The following RAB30 variants were observed in gnomAD, a reference collection of about 807,000 sequenced individuals.
RAB30 encodes ras-related protein Rab-30.
In RAB30, 9 loss-of-function variants were observed where a neutral mutation model predicts 25.1. The ratio of observed to expected loss-of-function variants is 0.36; its 90% CI spans 0.22 to 0.63. RAB30 has a LOEUF of 0.63. RAB30 is among the 20% of genes least tolerant of loss of function. The pLI is 0.69. For synonymous variants in RAB30, 77 were observed against 86.4 expected, an observed-to-expected ratio of 0.89 and a Z score of 0.60; for missense variants, 140 against 243.5, an observed-to-expected ratio of 0.58 and a Z score of 2.83.
intron 1 of RAB30, among the ~76,000 whole-genome samples, chr11:83,003,207 C>T (rs1344377335): frequency 2.6e-5 from 4 of 152,056 alleles, no homozygotes; most frequent in Admixed American, 6.6e-5. Flanking sequence ...CAGTGAGTTA[C>T]GTGAGAGGCA....
At chr11:83,067,863 C>T (rs1319494334) in intron 1 of RAB30, among the ~76,000 whole-genome samples, 1 of 151,930 alleles carries the variant, frequency 6.6e-6, no homozygotes, top group African/African-American at 2.4e-5. Context: ...CGGTGGCTCA[C>T]GCCTGTAGTC....
At chr11:83,043,282 C>T (rs1459211313) in intron 1 of RAB30, among the ~76,000 whole-genome samples, 1 of 152,168 alleles carries the variant, frequency 6.6e-6, no homozygotes. Context: ...GCCATCCAAA[C>T]TGAGGCCGAC....
At chr11:83,068,686 C>T (rs1046391418) in intron 1 of RAB30, among the ~76,000 whole-genome samples, 1 of 152,166 alleles carries the variant, frequency 6.6e-6, no homozygotes, top group Non-Finnish European at 1.5e-5. Flanking sequence ...ACCACTCTTC[C>T]CTTTGAACTT....
At chr11:83,066,762 C>T (rs371082035) in intron 1 of RAB30, among the ~76,000 whole-genome samples, 6 of 152,126 alleles carry the variant, frequency 3.9e-5, no homozygotes, top group African/African-American at 9.7e-5. Flanking sequence ...ATGTTGGCCA[C>T]GCTGGCCTTG....
At chr11:83,019,032 T>C (rs1857504019) in intron 1 of RAB30, among the ~76,000 whole-genome samples, 1 of 152,206 alleles carries the variant, frequency 6.6e-6, no homozygotes, top group African/African-American at 2.4e-5. Flanking sequence ...TGCTTTTTGT[T>C]TTGTTTTGTT....
At chr11:83,071,569 T>G (rs1858848711) in intron 1 of RAB30, 122 bp downstream of exon 1, 1 of 152,260 alleles carries the variant, frequency 6.6e-6, no homozygotes, top group Non-Finnish European at 1.5e-5. Context: ...TAGCTGTGCC[T>G]GCAAGCCTCT....
Position 82,977,889 on chromosome 11 carries a change from G to A in RAB30, c.*4276C>T, listed in dbSNP as rs1856571713. The stretch of plus-strand genomic sequence containing the variant: ...TGCTATATTAATATGTGTTTTGAAG[G>A]GATGATAATTTCTTAATTCAGTATG... On this transcript the variant is annotated 3_prime_UTR_variant, in exon 5 of 5. Coordinates refer to ENST00000527633, the MANE Select transcript of RAB30 (RefSeq NM_001286060.2). 6.6e-6 allele frequency: 1 copy of A among 152,100 alleles called. No individual in the cohort carries two copies. Among genetic ancestry groups the A allele is most frequent in the Non-Finnish European group, 1.5e-5 (1 of 68,024 alleles). 9.4% of individuals were successfully genotyped at this position (152,100 alleles called of 1,614,324 possible). A position where few individuals can be genotyped will look rare whatever the true frequency, so the allele number is the denominator to read the frequency against.
rs1856574966 is a variant in RAB30 at position 82,978,060 on chromosome 11, T to C, written c.*4105A>G. On this transcript the variant is annotated 3_prime_UTR_variant, in exon 5 of 5. Coordinates refer to ENST00000527633, the MANE Select transcript of RAB30 (RefSeq NM_001286060.2). The stretch of plus-strand genomic sequence containing the variant: ...CAAAATTAGTGTTTAACCATGCTGC[T>C]TAAATGGAACACATTTTGTCTGAAG... 1 of 152,220 alleles carries C rather than the reference T, an allele frequency of 6.6e-6. No homozygotes were observed. The highest frequency in any genetic ancestry group is 6.5e-5 in the Admixed American group (1 of 15,282). 9.4% of individuals were successfully genotyped at this position (152,220 alleles called of 1,614,324 possible).
At chr11:82,983,426 G>A (rs1330323778) in intron 4 of RAB30, among the ~76,000 whole-genome samples, 6 of 152,058 alleles carry the variant, frequency 3.9e-5, no homozygotes, top group Admixed American at 1.3e-4. Context: ...CACACAGACC[G>A]TAACCCTTTT....
chr11:83,059,186 C>T (rs188799114), intron 1 of RAB30, among the ~76,000 whole-genome samples: 261 of 152,312 alleles, frequency 1.7e-3, no homozygotes, highest in Non-Finnish European at 3.4e-3. Flanking sequence ...AAATGACCTG[C>T]CTGCCTTGAC....
intron 1 of RAB30, among the ~76,000 whole-genome samples, chr11:83,009,135 C>A (rs1481293399): frequency 1.3e-5 from 2 of 150,276 alleles, no homozygotes; most frequent in African/African-American, 4.9e-5. Context: ...ATGGTGAGAT[C>A]CCAGCTCACT....
chr11:83,021,555 G>A (rs1857579128), intron 1 of RAB30, among the ~76,000 whole-genome samples: 1 of 152,242 alleles, frequency 6.6e-6, no homozygotes, highest in Admixed American at 6.5e-5. Context: ...GGGATGTCTG[G>A]CTGTGCAGAG....
intron 1 of RAB30, among the ~76,000 whole-genome samples, chr11:83,014,697 A>AAAGAAAGG: frequency 6.7e-6 from 1 of 150,144 alleles, no homozygotes; most frequent in South Asian, 2.1e-4. Context: ...AAAGAAAGAG[A>AAAGAAAGG]AAGGAAGGAA....
intron 1 of RAB30, among the ~76,000 whole-genome samples, chr11:83,058,432 C>T (rs1367436374): frequency 6.6e-6 from 1 of 152,298 alleles, no homozygotes; most frequent in South Asian, 2.1e-4. Context: ...TAATCTAGAA[C>T]CATTCCTCAG....
intron 4 of RAB30, among the ~76,000 whole-genome samples, chr11:82,982,889 T>C (rs1462180591): frequency 6.6e-6 from 1 of 151,894 alleles, no homozygotes; most frequent in Admixed American, 6.6e-5. Flanking sequence ...AAAAAATGAG[T>C]GCCATTCATA....
intron 1 of RAB30, among the ~76,000 whole-genome samples, chr11:83,002,421 G>A (rs947857662): frequency 6.6e-5 from 10 of 152,104 alleles, no homozygotes; most frequent in Non-Finnish European, 1.2e-4. Context: ...ATATAAACAG[G>A]AGCACAGATG....
intron 2 of RAB30, among the ~76,000 whole-genome samples, chr11:82,996,607 A>G (rs2121461791): frequency 6.6e-6 from 1 of 152,324 alleles, no homozygotes; most frequent in African/African-American, 2.4e-5. Context: ...GTGATTCTCA[A>G]AAGGGCAGTC....
At chr11:83,014,677 AGAAAGAAAG>A in intron 1 of RAB30, among the ~76,000 whole-genome samples, 1 of 147,632 alleles carries the variant, frequency 6.8e-6, no homozygotes, top group South Asian at 2.1e-4. Context: ...AAAGAAAGAA[AGAAAGAAAG>A]AAAGAAAGAG....
chr11:83,018,118 G>T (rs879314799), intron 1 of RAB30, among the ~76,000 whole-genome samples: 3 of 151,992 alleles, frequency 2.0e-5, no homozygotes, highest in Non-Finnish European at 2.9e-5. Flanking sequence ...GGCCAACATA[G>T]TGAAACCCTG....
Sources: gnomAD v4.1 joint callset for allele counts (sites outside exome capture counted in the v4.1 genomes callset) on GRCh38, gnomAD v4.1.1 for gene constraint, MANE v1.5 for transcripts, NCBI Gene and HGNC (gene_info 2026-07-23, HGNC 2026-07-21) for gene names.